The following CLPTM1L variants were observed in gnomAD, a reference collection of about 807,000 sequenced individuals.
CLPTM1L encodes the protein lipid scramblase CLPTM1L.
In CLPTM1L, 38 loss-of-function variants were observed where a neutral mutation model predicts 70.9. That is an observed-to-expected ratio of 0.54 (90% CI 0.41 to 0.70). The LOEUF (loss-of-function observed/expected upper bound fraction) is 0.70. Among genes scored for constraint, CLPTM1L ranks in the 30% least tolerant of loss-of-function variants. The pLI is 0.00. For missense variants in CLPTM1L, 652 were observed against 705.9 expected (o/e 0.92, Z 0.87); for synonymous variants, 339 against 299.9 (o/e 1.13, Z -1.35).
chr5:1,319,321 A>G (rs1030028027), intron 16 of CLPTM1L, among the ~76,000 whole-genome samples: 6 of 115,364 alleles, frequency 5.2e-5, no homozygotes, highest in African/African-American at 1.0e-4. Context: ...CACAAGCTGG[A>G]GCTCCCGTGC....
Position 1,321,753 on chromosome 5 carries a change from C to T in CLPTM1L, c.1371+11G>A. The T allele has an allele frequency of 1.9e-6, 3 of 1,614,042 alleles. No individual in the cohort carries two copies. The highest frequency in any genetic ancestry group is 1.6e-4 in the Middle Eastern group (1 of 6,062). ...CGGGGGCCGGGCCGCGGGCAGCACA[C>T]ACCGCCTTACCTTGTAGTTCACAAA... On this transcript the variant is annotated intron_variant, in intron 14 of 16. Coordinates refer to ENST00000320895, the MANE Select transcript of CLPTM1L (RefSeq NM_030782.5).
intron 5 of CLPTM1L, 93 bp from the exon 6 acceptor site, chr5:1,335,267 T>G: frequency 1.0e-6 from 1 of 987,748 alleles, no homozygotes; most frequent in Non-Finnish European, 1.6e-6. Flanking sequence ...CCCCTTCCCA[T>G]CCCTGTGTGG....
intron 9 of CLPTM1L, among the ~76,000 whole-genome samples, chr5:1,327,554 C>T (rs1752691292): frequency 6.7e-6 from 1 of 148,684 alleles, no homozygotes; most frequent in Non-Finnish European, 1.5e-5. Context: ...ACATTCCATC[C>T]AGCTCCTGCT....
At position 1,341,837 on chromosome 5, in the gene CLPTM1L, T is replaced by C. The variant is rs1579657346; in HGVS notation, c.287A>G (p.Lys96Arg). Reference sequence around the variant, plus strand: ...CAGCGTCCCATTGTTTCTCGTTTTCTTTGGTACAGAAACATTAACTGTCCT... The same window carrying C: ...CAGCGTCCCATTGTTTCTCGTTTTCCTTGGTACAGAAACATTAACTGTCCT... ...FERTVNVSVP[K>R]KTRNNGTLYA... Residue 96 changes from lysine to arginine, a missense_variant, in exon 3 of 17, where the codon AAG (lysine) becomes AGG (arginine). By Grantham distance (26) the Lys-to-Arg change is conservative (BLOSUM62 2). Transcript: ENST00000320895. 1.2e-6 allele frequency: 2 copies of C among 1,613,658 alleles called. No homozygotes were observed. Among genetic ancestry groups the C allele is most frequent in the Non-Finnish European group, 1.7e-6 (2 of 1,179,630 alleles).
chr5:1,338,060 G>C (rs570645792), intron 4 of CLPTM1L, 78 bp from the exon 5 acceptor site: 64 of 1,223,954 alleles, frequency 5.2e-5, no homozygotes, highest in Non-Finnish European at 7.3e-5. Flanking sequence ...CAGACACTGG[G>C]TTTACCCCAG....
chr5:1,324,368 C>T (rs930340945), intron 11 of CLPTM1L, among the ~76,000 whole-genome samples: 3 of 152,248 alleles, frequency 2.0e-5, no homozygotes, highest in Non-Finnish European at 4.4e-5. Flanking sequence ...GGAAAGGTGA[C>T]GCCCTGTGCT....
rs1261006510 is a variant in CLPTM1L at position 1,320,724 on chromosome 5, T to C, written c.1424A>G (p.Asn475Ser). The change falls in exon 16 of 17, where the codon AAC becomes AGC. Residue 475 changes from asparagine to serine, a missense_variant. Asn to Ser is a conservative substitution (Grantham distance 46). Transcript: ENST00000320895. ...PWKAFTYKAF[N>S]TFIDDVFAFI... ...GGCAAAGACGTCATCAATGAAGGTG[T>C]TGAAAGCCTGCAGGGCCAGACGGGA... 10 of 1,538,968 alleles carry C rather than the reference T, an allele frequency of 6.5e-6. No homozygotes were observed. The highest frequency in any genetic ancestry group is 6.2e-6 in the Non-Finnish European group (7 of 1,137,808).
In CLPTM1L at chr5:1,344,344, C is replaced by A; in HGVS notation, c.263+7G>T. On this transcript the variant is annotated splice_region_variant and intron_variant, in intron 2 of 16. Coordinates refer to ENST00000320895, the MANE Select transcript of CLPTM1L (RefSeq NM_030782.5). The stretch of plus-strand genomic sequence containing the variant: ...CCTTTCACTGGCATTTTGTCCTACG[C>A]CCATACCTTTCAAATTTGGACTCCA... The A allele has an allele frequency of 6.3e-7, 1 of 1,595,484 alleles. No homozygotes were observed. The highest frequency in any genetic ancestry group is 1.1e-5 in the South Asian group (1 of 90,760).
chr5:1,325,639 G>C (rs1752479606), intron 10 of CLPTM1L, 112 bp downstream of exon 10: 3 of 847,908 alleles, frequency 3.5e-6, no homozygotes, highest in Non-Finnish European at 5.9e-6. Context: ...AGGCTCCCCT[G>C]ACAGAGGCCC....
chr5:1,339,765 C>T (rs1304621076), intron 3 of CLPTM1L, among the ~76,000 whole-genome samples: 1 of 73,648 alleles, frequency 1.4e-5, no homozygotes, highest in East Asian at 2.6e-4. Flanking sequence ...CGCGCCCGGA[C>T]AGCAGGGTCA....
At chr5:1,322,359 C>T (rs1257413789) in intron 13 of CLPTM1L, among the ~76,000 whole-genome samples, 1 of 152,214 alleles carries the variant, frequency 6.6e-6, no homozygotes, top group Non-Finnish European at 1.5e-5. Context: ...GGCGGGCCTC[C>T]CAGGACATGT....
At chr5:1,328,004 GGACACATTCCATCCAGCTCCTCCTCTA>G (rs1561236149) in intron 9 of CLPTM1L, among the ~76,000 whole-genome samples, 1 of 15,014 alleles carries the variant, frequency 6.7e-5, no homozygotes. Flanking sequence ...CCTCCTCTAC[GGACACATTCCATCCAGCTCCTCCTCTA>G]CAGACACATT....
intron 9 of CLPTM1L, among the ~76,000 whole-genome samples, chr5:1,329,416 A>G (rs548155700): frequency 1.3e-5 from 2 of 152,148 alleles, no homozygotes; most frequent in South Asian, 4.1e-4. Context: ...ACAGGGCCTC[A>G]GGCCTCTGCT....
At chr5:1,337,608 GCTCT>G (rs1224701649) in intron 5 of CLPTM1L, among the ~76,000 whole-genome samples, 1 of 152,242 alleles carries the variant, frequency 6.6e-6, no homozygotes, top group African/African-American at 2.4e-5. Flanking sequence ...TCATGTGCCT[GCTCT>G]CTAAGCGCTG....
At chr5:1,319,508 C>T (rs2126715351) in intron 16 of CLPTM1L, among the ~76,000 whole-genome samples, 1 of 152,356 alleles carries the variant, frequency 6.6e-6, no homozygotes, top group South Asian at 2.1e-4. Flanking sequence ...CTCTGAACAC[C>T]TGGCGAGGTT....
chr5:1,334,531 A>T (rs1753431751), intron 6 of CLPTM1L, 148 bp from the exon 7 acceptor site: 1 of 603,922 alleles, frequency 1.7e-6, no homozygotes, highest in South Asian at 2.1e-5. Context: ...AGGCAGGCAG[A>T]TCACTTGAAG....
In CLPTM1L at chr5:1,344,681, T is replaced by A; in HGVS notation, c.161A>T (p.Gln54Leu). The A allele has an allele frequency of 1.3e-6, 2 of 1,556,124 alleles. No homozygotes were observed. The highest frequency in any genetic ancestry group is 1.2e-5 in the South Asian group (1 of 84,484). The change falls in exon 1 of 17, where the codon CAG becomes CTG. Residue 54 changes from glutamine to leucine, a missense_variant and splice_region_variant. Transcript: ENST00000320895. ...GCCCCCGGCCCCGCGGACGCTCACC[T>A]GCAGCTTGGGCCGCCGCGCCAGGTA... ...QPYLARRPKL[Q>L]LSVYTTTRSH...
chr5:1,336,188 C>G (rs1268354029), intron 5 of CLPTM1L, among the ~76,000 whole-genome samples: 1 of 152,218 alleles, frequency 6.6e-6, no homozygotes, highest in African/African-American at 2.4e-5. Flanking sequence ...GTGTCACTGC[C>G]TCCTCCATCT....
At chr5:1,324,306 G>A (rs1163912298) in intron 11 of CLPTM1L, among the ~76,000 whole-genome samples, 2 of 152,232 alleles carry the variant, frequency 1.3e-5, no homozygotes, top group African/African-American at 4.8e-5. Context: ...CATCTGTGCA[G>A]AAATGTTCTA....
Sources: gnomAD v4.1 joint callset for allele counts (sites outside exome capture counted in the v4.1 genomes callset) on GRCh38, gnomAD v4.1.1 for gene constraint, MANE v1.5 for transcripts, NCBI Gene and HGNC (gene_info 2026-07-23, HGNC 2026-07-21) for gene names.